SMLR1: variants seen among roughly 807,000 people sequenced by gnomAD.
SMLR1 encodes the protein small leucine rich protein 1.
SMLR1 carries 3 observed loss-of-function variants against 6.1 expected under a neutral mutation model. The ratio of observed to expected loss-of-function variants is 0.49; its 90% CI spans 0.22 to 1.28. The LOEUF (loss-of-function observed/expected upper bound fraction) is 1.28. Among genes scored for constraint, SMLR1 ranks in the 50% most tolerant of loss-of-function variants. SMLR1 has a pLI of 0.19. For missense variants in SMLR1, 126 were observed against 124.8 expected (o/e 1.01, Z -0.05); for synonymous variants, 55 against 53.6 (o/e 1.03, Z -0.11).
At chr6:130,830,523 G>T (rs1343249887) in intron 1 of SMLR1, among the ~76,000 whole-genome samples, 1 of 152,110 alleles carries the variant, frequency 6.6e-6, no homozygotes, top group African/African-American at 2.4e-5. Flanking sequence ...CACTATTACT[G>T]CCAACCATCT....
At chr6:130,828,902 G>A (rs769277719) in intron 1 of SMLR1, among the ~76,000 whole-genome samples, 26 of 152,132 alleles carry the variant, frequency 1.7e-4, no homozygotes, top group Non-Finnish European at 3.7e-4. Flanking sequence ...ACTGAACCCC[G>A]GAAGTAGCCT....
chr6:130,832,396 A>T (rs1363984470), intron 1 of SMLR1, among the ~76,000 whole-genome samples: 3 of 152,160 alleles, frequency 2.0e-5, no homozygotes, highest in African/African-American at 7.2e-5. Flanking sequence ...ACAAATAACT[A>T]AAGTACTGAT....
rs1774633643 is a variant in SMLR1 at position 130,835,709 on chromosome 6, G to A, written c.*754G>A. 1 of 152,164 alleles carries A rather than the reference G, an allele frequency of 6.6e-6. No individual in the cohort carries two copies. The highest frequency in any genetic ancestry group is 2.4e-5 in the African/African-American group (1 of 41,456). 9.4% of individuals were successfully genotyped at this position (152,164 alleles called of 1,614,324 possible). ...TCTTTGCCTGTAATACCAAAATACA[G>A]GGAGCTATATCTAACTATGCGGATA... On this transcript the variant is annotated 3_prime_UTR_variant, in exon 2 of 2. Transcript: ENST00000541421.
chr6:130,832,268 T>A (rs1156413892), intron 1 of SMLR1, among the ~76,000 whole-genome samples: 1 of 152,182 alleles, frequency 6.6e-6, no homozygotes, highest in Non-Finnish European at 1.5e-5. Flanking sequence ...TAGTCATTAT[T>A]TAATTAAATT....
intron 1 of SMLR1, among the ~76,000 whole-genome samples, chr6:130,829,703 C>T (rs1774383135): frequency 6.6e-6 from 1 of 152,208 alleles, no homozygotes; most frequent in Non-Finnish European, 1.5e-5. Context: ...CTCCCAATAA[C>T]CTCTTGTTTC....
chr6:130,830,274 C>A (rs190796783), intron 1 of SMLR1, among the ~76,000 whole-genome samples: 87 of 152,154 alleles, frequency 5.7e-4, no homozygotes, highest in African/African-American at 1.9e-3. Context: ...AGGGGCACCC[C>A]CAGCCAGGTT....
At chr6:130,834,402 T>C (rs1368703461) in intron 1 of SMLR1, among the ~76,000 whole-genome samples, 3 of 152,142 alleles carry the variant, frequency 2.0e-5, no homozygotes, top group African/African-American at 7.2e-5. Context: ...TGAAATTATA[T>C]ATTAAGGGGT....
intron 1 of SMLR1, among the ~76,000 whole-genome samples, chr6:130,834,283 G>C (rs546015204): frequency 2.0e-5 from 3 of 152,128 alleles, no homozygotes; most frequent in African/African-American, 7.2e-5. Context: ...CAGAGAGAGG[G>C]GTTGTGTCAA....
At chr6:130,834,717 G>A (rs1774591552) in intron 1 of SMLR1, among the ~76,000 whole-genome samples, 153 bp from the exon 2 acceptor site, 1 of 152,116 alleles carries the variant, frequency 6.6e-6, no homozygotes, top group African/African-American at 2.4e-5. Context: ...GATAAGGATC[G>A]ATCCTGTAAT....
intron 1 of SMLR1, among the ~76,000 whole-genome samples, chr6:130,832,043 G>C (rs1774468448): frequency 6.6e-6 from 1 of 152,122 alleles, no homozygotes; most frequent in South Asian, 2.1e-4. Context: ...AGTAGCTCTT[G>C]GGGTGGAAGT....
chr6:130,830,147 T>C (rs548704424), intron 1 of SMLR1, among the ~76,000 whole-genome samples: 16 of 152,270 alleles, frequency 1.1e-4, no homozygotes, highest in African/African-American at 3.9e-4. Context: ...TGCAAATCTG[T>C]ATGTTTCTGA....
At chr6:130,834,042 C>T (rs1466523611) in intron 1 of SMLR1, among the ~76,000 whole-genome samples, 1 of 152,120 alleles carries the variant, frequency 6.6e-6, no homozygotes, top group Non-Finnish European at 1.5e-5. Context: ...GAAAACAAAA[C>T]TTTTGAGGAT....
intron 1 of SMLR1, among the ~76,000 whole-genome samples, chr6:130,833,701 C>T (rs6938552): frequency 0.26 from 40,103 of 152,014 alleles, 6,620 homozygotes; most frequent in Non-Finnish European, 0.37. Context: ...AAGAATTGAA[C>T]GAGAAAGATT....
At chr6:130,832,062 T>A (rs1030489269) in intron 1 of SMLR1, among the ~76,000 whole-genome samples, 2 of 152,150 alleles carry the variant, frequency 1.3e-5, no homozygotes, top group Non-Finnish European at 2.9e-5. Context: ...GTATGTGTCA[T>A]GAACTTCCCA....
At chr6:130,832,475 G>A (rs1350055526) in intron 1 of SMLR1, among the ~76,000 whole-genome samples, 2 of 151,936 alleles carry the variant, frequency 1.3e-5, no homozygotes, top group African/African-American at 2.4e-5. Context: ...TTGAAGCTTC[G>A]GCCTCCTGGT....
chr6:130,834,252 G>T (rs1774567043), intron 1 of SMLR1, among the ~76,000 whole-genome samples: 1 of 152,158 alleles, frequency 6.6e-6, no homozygotes, highest in Non-Finnish European at 1.5e-5. Context: ...AAGCCAAAGG[G>T]AGGAGAATGG....
rs761233159 is a variant in SMLR1 at position 130,827,538 on chromosome 6, T to C, written c.125T>C (p.Leu42Pro). ...GTGTGGTTGGCAATGAGCTCTGTGC[T>C]GTCAGCTTTCATGAGGGAGCTCCCT... ...GSVWLAMSSV[L>P]SAFMRELPGW... The change falls in exon 1 of 2, where the codon CTG (leucine) becomes CCG (proline). Residue 42 changes from leucine to proline, a missense_variant. Physicochemically the swap from Leu to Pro is moderately conservative, Grantham distance 98. Transcript: ENST00000541421. The C allele has an allele frequency of 2.0e-6, 3 of 1,535,906 alleles. No homozygotes were observed. The highest frequency in any genetic ancestry group is 4.9e-5 in the East Asian group (2 of 40,926).
chr6:130,834,149 C>T (rs1006500073), intron 1 of SMLR1, among the ~76,000 whole-genome samples: 1 of 152,068 alleles, frequency 6.6e-6, no homozygotes, highest in Non-Finnish European at 1.5e-5. Context: ...TCTCAGAAGG[C>T]ATCTCAGGGC....
In SMLR1 at chr6:130,827,554, G is replaced by A; in HGVS notation, c.141G>A (p.Arg47=). The stretch of plus-strand genomic sequence containing the variant: ...GCTCTGTGCTGTCAGCTTTCATGAG[G>A]GAGCTCCCTGGCTGGTTCCTGTTCT... ...AMSSVLSAFM[R]ELPGWFLFFG... Residue 47 remains arginine (R), a synonymous_variant, in exon 1 of 2, where the codon AGG becomes AGA. Coordinates refer to ENST00000541421, the MANE Select transcript of SMLR1 (RefSeq NM_001195597.2). The A allele has an allele frequency of 6.5e-7, 1 of 1,535,942 alleles. No homozygotes were observed. The highest frequency in any genetic ancestry group is 2.4e-5 in the East Asian group (1 of 40,914).
Sources: gnomAD v4.1 joint callset for allele counts (sites outside exome capture counted in the v4.1 genomes callset) on GRCh38, gnomAD v4.1.1 for gene constraint, MANE v1.5 for transcripts, NCBI Gene and HGNC (gene_info 2026-07-23, HGNC 2026-07-21) for gene names.